Variants in PAQR5 observed in about 807,000 individuals in gnomAD.
The protein encoded by PAQR5 is progestin and adipoQ receptor family member 5.
A neutral mutation model predicts 34.5 loss-of-function variants in PAQR5; 20 were observed. The observed-to-expected ratio is 0.58, with a 90% confidence interval of 0.41 to 0.84. The LOEUF (loss-of-function observed/expected upper bound fraction) is 0.84, where lower values mean the gene tolerates loss of function less well. PAQR5 is among the 40% of genes least tolerant of loss of function. The probability of loss-of-function intolerance (pLI) is 0.00; values close to 1 mark genes in which losing one functional copy is unlikely to be tolerated. For synonymous variants in PAQR5, 131 were observed against 155.6 expected (o/e 0.84, Z 1.18); for missense variants, 378 against 412.7 (o/e 0.92, Z 0.73).
At position 69,302,074 on chromosome 15, in the gene PAQR5, A is replaced by G. The variant is rs143936159; in HGVS notation, c.-277+3018A>G. The stretch of plus-strand genomic sequence containing the variant: ...CTGACCAACTCCGGGTTGGTCAGAT[A>G]TATATATTTGAGACAGGGTGTTGCT... On this transcript the variant is annotated intron_variant, in intron 1 of 8. Coordinates refer to ENST00000395407, the MANE Select transcript of PAQR5 (RefSeq NM_017705.4). Among the ~76,000 whole-genome samples, 485 of 151,414 alleles carry G rather than the reference A, an allele frequency of 3.2e-3. 2 individuals are homozygous for G. The highest frequency in any genetic ancestry group is 5.9e-3 in the Non-Finnish European group (400 of 67,804).
chr15:69,304,138 AT>A (rs143097647), intron 1 of PAQR5, among the ~76,000 whole-genome samples: 221 of 152,224 alleles, frequency 1.5e-3, no homozygotes, highest in African/African-American at 5.1e-3. Context: ...GACTGAGGCC[AT>A]TGTAGGCCCT....
chr15:69,317,478 C>T (rs573731941), intron 1 of PAQR5, among the ~76,000 whole-genome samples: 18 of 152,288 alleles, frequency 1.2e-4, no homozygotes, highest in African/African-American at 4.1e-4. Context: ...GTCCATGCAG[C>T]CTTCTTCCCT....
At chr15:69,374,899 G>T (rs2055664297) in intron 3 of PAQR5, among the ~76,000 whole-genome samples, 2 of 152,124 alleles carry the variant, frequency 1.3e-5, no homozygotes, top group Non-Finnish European at 2.9e-5. Context: ...CGATGCTGGG[G>T]TGGGAGTCCG....
At chr15:69,397,751 G>C (rs111738744) in intron 7 of PAQR5, 187 bp downstream of exon 7, 1 of 607,292 alleles carries the variant, frequency 1.6e-6, no homozygotes, top group Admixed American at 2.9e-5. Context: ...ACGAGAGACT[G>C]AGAAAATAAA....
At chr15:69,332,436 A>G (rs2054402595) in intron 1 of PAQR5, among the ~76,000 whole-genome samples, 1 of 152,148 alleles carries the variant, frequency 6.6e-6, no homozygotes, top group Non-Finnish European at 1.5e-5. Context: ...CATCCAGAGG[A>G]CAGGAATTTT....
chr15:69,366,775 G>A (rs1220294148), intron 3 of PAQR5, among the ~76,000 whole-genome samples: 1 of 152,070 alleles, frequency 6.6e-6, no homozygotes, highest in African/African-American at 2.4e-5. Flanking sequence ...ATTGAGATGT[G>A]TTAAAAAATC....
rs898595601 is a variant in PAQR5 at position 69,337,514 on chromosome 15, C to A, written c.-116+13C>A. ...TTCCTGACCTGTGGTAAGTAAAGAACGTCACTTTCTAACAGGCCCAGGAAC... is the reference window on the plus strand; with the variant it reads ...TTCCTGACCTGTGGTAAGTAAAGAAAGTCACTTTCTAACAGGCCCAGGAAC... On this transcript the variant is annotated intron_variant, in intron 2 of 8. Coordinates refer to ENST00000395407, the MANE Select transcript of PAQR5 (RefSeq NM_017705.4). 1.3e-5 allele frequency: 2 copies of A among 152,166 alleles called. No homozygotes were observed. The highest frequency in any genetic ancestry group is 2.9e-5 in the Non-Finnish European group (2 of 68,024). 9.4% of individuals were successfully genotyped at this position (152,166 alleles called of 1,614,324 possible).
intron 3 of PAQR5, among the ~76,000 whole-genome samples, chr15:69,370,196 G>T (rs2055521241): frequency 6.6e-6 from 1 of 152,218 alleles, no homozygotes; most frequent in Non-Finnish European, 1.5e-5. Flanking sequence ...TGGGTGCTGT[G>T]AAGCACACAG....
At chr15:69,341,811 G>T (rs1037887884) in intron 2 of PAQR5, among the ~76,000 whole-genome samples, 2 of 151,656 alleles carry the variant, frequency 1.3e-5, no homozygotes, top group African/African-American at 4.8e-5. Context: ...TGGTGTGGTG[G>T]CATGTGTCTG....
intron 1 of PAQR5, among the ~76,000 whole-genome samples, chr15:69,329,342 C>T (rs1029527299): frequency 6.7e-5 from 10 of 150,326 alleles, no homozygotes; most frequent in East Asian, 1.9e-4. Flanking sequence ...TGGTGGTTAT[C>T]GGAGGCTGGG....
chr15:69,338,330 G>A (rs2054559227), intron 2 of PAQR5, among the ~76,000 whole-genome samples: 4 of 152,168 alleles, frequency 2.6e-5, no homozygotes, highest in Admixed American at 2.6e-4. Flanking sequence ...TAAATTCCTT[G>A]TGGGTTAGAA....
intron 2 of PAQR5, among the ~76,000 whole-genome samples, chr15:69,338,231 C>T (rs1047101285): frequency 6.6e-6 from 1 of 152,188 alleles, no homozygotes; most frequent in Non-Finnish European, 1.5e-5. Context: ...TGTCCACTGC[C>T]TAGTGGCAAA....
chr15:69,331,663 C>T (rs1486473900), intron 1 of PAQR5, among the ~76,000 whole-genome samples: 1 of 152,106 alleles, frequency 6.6e-6, no homozygotes, highest in East Asian at 1.9e-4. Context: ...CCAGAGACTC[C>T]ATTGTGAATT....
chr15:69,373,544 G>A (rs754077033), intron 3 of PAQR5, among the ~76,000 whole-genome samples: 5 of 152,138 alleles, frequency 3.3e-5, no homozygotes, highest in Non-Finnish European at 5.9e-5. Flanking sequence ...AGATCAATAC[G>A]TCTATAATGC....
intron 1 of PAQR5, among the ~76,000 whole-genome samples, chr15:69,311,680 G>A (rs1292302995): frequency 6.6e-6 from 1 of 152,148 alleles, no homozygotes; most frequent in African/African-American, 2.4e-5. Flanking sequence ...TGCTCAACCT[G>A]CCCTGCTGTG....
rs997902745 is a variant in PAQR5 at position 69,406,240 on chromosome 15, G to A, written c.*2418G>A. On this transcript the variant is annotated 3_prime_UTR_variant, in exon 9 of 9. Coordinates refer to ENST00000395407, the MANE Select transcript of PAQR5 (RefSeq NM_017705.4). ...GAGGGTGGCACATTCCTAATGGGATGTACCTCTCCCCACTCCCCTTGCTTG... is the reference window on the plus strand; with the variant it reads ...GAGGGTGGCACATTCCTAATGGGATATACCTCTCCCCACTCCCCTTGCTTG... 2 of 152,208 alleles carry A rather than the reference G, an allele frequency of 1.3e-5. No homozygotes were observed. Among genetic ancestry groups the A allele is most frequent in the Admixed American group, 1.3e-4 (2 of 15,298 alleles). The allele number at this position is 152,208 out of a possible 1,614,324, so 9.4% of individuals were successfully genotyped here. A position where few individuals can be genotyped will look rare whatever the true frequency, so the allele number is the denominator to read the frequency against.
chr15:69,313,988 C>T (rs1249413573), intron 1 of PAQR5, among the ~76,000 whole-genome samples: 1 of 152,022 alleles, frequency 6.6e-6, no homozygotes, highest in Non-Finnish European at 1.5e-5. Context: ...ACAGCCGCCT[C>T]CCCAAGCGCC....
At chr15:69,329,806 A>G (rs892960216) in intron 1 of PAQR5, among the ~76,000 whole-genome samples, 1 of 152,126 alleles carries the variant, frequency 6.6e-6, no homozygotes, top group Non-Finnish European at 1.5e-5. Flanking sequence ...TTTTTAAATC[A>G]TCCTAAAAGT....
chr15:69,361,551 G>A (rs983475882), intron 3 of PAQR5, among the ~76,000 whole-genome samples: 15 of 152,268 alleles, frequency 9.9e-5, no homozygotes, highest in East Asian at 3.9e-4. Context: ...AGTTCCTCAT[G>A]GCTGTGGAGG....
Sources: allele counts gnomAD v4.1 joint callset (sites outside exome capture counted in the v4.1 genomes callset), GRCh38; gene constraint gnomAD v4.1.1; transcripts MANE v1.5; gene names NCBI Gene and HGNC (gene_info 2026-07-23, HGNC 2026-07-21).